CNTN5: variants seen among roughly 807,000 people sequenced by gnomAD.
CNTN5 encodes the protein contactin 5.
CNTN5 carries 77 observed loss-of-function variants against 129.1 expected under a neutral mutation model. The ratio of observed to expected loss-of-function variants is 0.60; its 90% CI spans 0.50 to 0.72. The LOEUF (loss-of-function observed/expected upper bound fraction) is 0.72, where lower values mean the gene tolerates loss of function less well. Among genes scored for constraint, CNTN5 ranks in the 30% least tolerant of loss-of-function variants. The probability of loss-of-function intolerance (pLI) is 0.00; values close to 1 mark genes in which losing one functional copy is unlikely to be tolerated. For synonymous variants in CNTN5, 509 were observed against 465.6 expected, an observed-to-expected ratio of 1.09 and a Z score of -1.20; for missense variants, 1,478 against 1,328.8, an observed-to-expected ratio of 1.11 and a Z score of -1.75.
intron 21 of CNTN5, among the ~76,000 whole-genome samples, chr11:100,314,892 T>A (rs1286273823): frequency 6.6e-6 from 1 of 152,144 alleles, no homozygotes; most frequent in Non-Finnish European, 1.5e-5. Context: ...TTTCTGTATG[T>A]TTCATTTGAA....
chr11:99,216,549 T>C (rs1038563198), intron 1 of CNTN5, among the ~76,000 whole-genome samples: 7 of 152,106 alleles, frequency 4.6e-5, no homozygotes, highest in African/African-American at 1.4e-4. Context: ...TGATCTATCA[T>C]ATGCTGGATA....
intron 2 of CNTN5, among the ~76,000 whole-genome samples, chr11:99,417,587 A>T (rs1394113955): frequency 2.0e-5 from 3 of 151,976 alleles, no homozygotes; most frequent in Non-Finnish European, 4.4e-5. Context: ...GTGCTCAATT[A>T]TTCCTACTAT....
At chr11:100,035,594 A>G (rs1941948391) in intron 9 of CNTN5, among the ~76,000 whole-genome samples, 1 of 142,214 alleles carries the variant, frequency 7.0e-6, no homozygotes, top group African/African-American at 2.7e-5. Context: ...CCAACAGTGT[A>G]AAAGTGTTCC....
chr11:100,116,444 G>C (rs1241785273), intron 13 of CNTN5, among the ~76,000 whole-genome samples: 1 of 151,450 alleles, frequency 6.6e-6, no homozygotes, highest in Non-Finnish European at 1.5e-5. Context: ...ATTGGACTTA[G>C]AAGAGTACTA....
At chr11:100,047,135 C>T (rs1219067714) in intron 9 of CNTN5, among the ~76,000 whole-genome samples, 1 of 151,690 alleles carries the variant, frequency 6.6e-6, no homozygotes. Flanking sequence ...GGCGGAAAAA[C>T]TAAGAAAAAC....
At position 99,621,700 on chromosome 11, in the gene CNTN5, A is replaced by G. The variant is rs538495902; in HGVS notation, c.55+65431A>G. On this transcript the variant is annotated intron_variant, in intron 3 of 24. Transcript: ENST00000524871. Reference sequence around the variant, plus strand: ...TATGAATTTGTTCATAATATTTAAGATTGCAACTGTAACATTTCTTTATTA... The same window carrying G: ...TATGAATTTGTTCATAATATTTAAGGTTGCAACTGTAACATTTCTTTATTA... Among the ~76,000 whole-genome samples, 20 of 151,884 alleles carry G rather than the reference A, an allele frequency of 1.3e-4. No homozygotes were observed. In the East Asian group the frequency reaches 3.7e-3, roughly 28 times the overall value.
intron 1 of CNTN5, among the ~76,000 whole-genome samples, chr11:99,059,843 A>T (rs915963715): frequency 2.6e-5 from 4 of 152,046 alleles, no homozygotes; most frequent in African/African-American, 9.7e-5. Flanking sequence ...GTAAAGTTTA[A>T]TTCCAGTAAT....
intron 1 of CNTN5, among the ~76,000 whole-genome samples, chr11:99,291,763 G>A (rs1864180970): frequency 6.6e-6 from 1 of 151,982 alleles, no homozygotes; most frequent in African/African-American, 2.4e-5. Context: ...TGAGCCTGTA[G>A]CTAAGAAATG....
chr11:99,480,360 G>T (rs1230390031), intron 2 of CNTN5, among the ~76,000 whole-genome samples: 8 of 152,160 alleles, frequency 5.3e-5, no homozygotes, highest in African/African-American at 1.9e-4. Context: ...GTGTCGGACA[G>T]CTGTTTCACT....
intron 18 of CNTN5, among the ~76,000 whole-genome samples, chr11:100,296,189 A>G (rs1178357710): frequency 6.6e-6 from 1 of 151,474 alleles, no homozygotes; most frequent in Non-Finnish European, 1.5e-5. Context: ...ATACTACATA[A>G]CAGTGGTTTT....
chr11:99,164,606 A>G (rs1940494), intron 1 of CNTN5, among the ~76,000 whole-genome samples: 141,962 of 152,244 alleles, frequency 0.93, 66,254 homozygotes, highest in East Asian at 1. Flanking sequence ...GAGTAAAATT[A>G]TTTTGAGAAA....
chr11:99,347,931 C>CA (rs922973145), intron 2 of CNTN5, among the ~76,000 whole-genome samples: 6 of 152,006 alleles, frequency 3.9e-5, no homozygotes, highest in Admixed American at 6.6e-5. Flanking sequence ...TTGTTGTAGG[C>CA]AAAAATATTC....
intron 3 of CNTN5, among the ~76,000 whole-genome samples, chr11:99,744,862 A>G (rs776159670): frequency 6.6e-6 from 1 of 151,528 alleles, no homozygotes; most frequent in South Asian, 2.1e-4. Context: ...AGAGAAGAAT[A>G]GTTGGCTTAT....
At chr11:99,094,776 C>G (rs918242105) in intron 1 of CNTN5, among the ~76,000 whole-genome samples, 7 of 151,876 alleles carry the variant, frequency 4.6e-5, no homozygotes. Context: ...CCTGTGGATA[C>G]TAAAGAGCCC....
At chr11:99,266,455 A>T (rs892251843) in intron 1 of CNTN5, among the ~76,000 whole-genome samples, 2 of 152,002 alleles carry the variant, frequency 1.3e-5, no homozygotes, top group South Asian at 2.1e-4. Flanking sequence ...TTTAAAAGTT[A>T]TCCAGGCATG....
chr11:99,194,466 T>C (rs956238613), intron 1 of CNTN5, among the ~76,000 whole-genome samples: 1 of 152,178 alleles, frequency 6.6e-6, no homozygotes, highest in African/African-American at 2.4e-5. Flanking sequence ...AAGCTGAATG[T>C]AAATATTATC....
intron 3 of CNTN5, among the ~76,000 whole-genome samples, chr11:99,630,696 G>A (rs543211535): frequency 1.2e-4 from 18 of 151,968 alleles, no homozygotes; most frequent in East Asian, 1.9e-4. Flanking sequence ...TTCTCTGTCC[G>A]GGGTATACCC....
intron 10 of CNTN5, among the ~76,000 whole-genome samples, chr11:100,070,043 C>T (rs564968576): frequency 6.6e-6 from 1 of 151,800 alleles, no homozygotes; most frequent in South Asian, 2.1e-4. Context: ...TGAGTAGATA[C>T]ACTGTATATT....
At chr11:99,364,931 T>C (rs1189540941) in intron 2 of CNTN5, among the ~76,000 whole-genome samples, 1 of 152,064 alleles carries the variant, frequency 6.6e-6, no homozygotes, top group African/African-American at 2.4e-5. Flanking sequence ...AATAGATCAC[T>C]CTGGTACCTG....
Sources: allele counts gnomAD v4.1 joint callset (sites outside exome capture counted in the v4.1 genomes callset), GRCh38; gene constraint gnomAD v4.1.1; transcripts MANE v1.5; gene names NCBI Gene and HGNC (gene_info 2026-07-23, HGNC 2026-07-21).